Variants in IL17RD observed in about 807,000 individuals in gnomAD.
IL17RD encodes the protein interleukin-17 receptor D.
A neutral mutation model predicts 80.5 loss-of-function variants in IL17RD; 52 were observed. That is an observed-to-expected ratio of 0.65 (90% confidence interval 0.52 to 0.81). The LOEUF (loss-of-function observed/expected upper bound fraction) is 0.81, where lower values mean the gene tolerates loss of function less well. Among genes scored for constraint, IL17RD ranks in the 40% least tolerant of loss-of-function variants. The pLI, the probability that IL17RD is intolerant of heterozygous loss-of-function variation, is 0.00. For synonymous variants in IL17RD, 416 were observed against 391.8 expected (o/e 1.06, Z -0.73); for missense variants, 1,024 against 955.1 (o/e 1.07, Z -0.95).
intron 5 of IL17RD, among the ~76,000 whole-genome samples, chr3:57,108,917 C>T (rs1025548205): frequency 2.0e-5 from 3 of 152,052 alleles, no homozygotes; most frequent in East Asian, 1.9e-4. Flanking sequence ...CCCAAATAGC[C>T]GAGAGCATAG....
chr3:57,138,246 A>G (rs1262015922), intron 1 of IL17RD, among the ~76,000 whole-genome samples: 2 of 152,240 alleles, frequency 1.3e-5, no homozygotes, highest in African/African-American at 4.8e-5. Context: ...AATGGTTAAA[A>G]TGGTAAATTT....
chr3:57,115,515 ACTGC>A (rs927959945), intron 2 of IL17RD, among the ~76,000 whole-genome samples: 3 of 152,222 alleles, frequency 2.0e-5, no homozygotes, highest in African/African-American at 7.2e-5. Flanking sequence ...GAGTTTACTC[ACTGC>A]CACCTGTCAA....
chr3:57,122,925 T>G (rs1707372333), intron 1 of IL17RD, among the ~76,000 whole-genome samples: 1 of 149,456 alleles, frequency 6.7e-6, no homozygotes, highest in Admixed American at 6.6e-5. Flanking sequence ...AGATGTAGCT[T>G]TTTTTTTTGT....
chr3:57,152,499 C>A (rs2060233949), intron 1 of IL17RD, among the ~76,000 whole-genome samples: 1 of 152,226 alleles, frequency 6.6e-6, no homozygotes, highest in Admixed American at 6.5e-5. Context: ...ACGCCCGGCA[C>A]ACAGGCCTGC....
intron 1 of IL17RD, among the ~76,000 whole-genome samples, chr3:57,143,219 C>T (rs757245428): frequency 4.6e-5 from 7 of 152,198 alleles, no homozygotes; most frequent in Non-Finnish European, 8.8e-5. Flanking sequence ...CCGCTGTCAG[C>T]CACTGCTTCC....
Position 57,102,503 on chromosome 3 carries a change from C to T in IL17RD, c.955G>A (p.Val319Met). Residue 319 changes from valine (V) to methionine (M), a missense_variant, in exon 10 of 13, where the codon GTG becomes ATG. Physicochemically the swap from Val to Met is conservative, Grantham distance 21 (BLOSUM62 1). Transcript: ENST00000296318. ...CCTTGTTGCTTCTTGCGGCACATCA[C>T]AGTGAAGAGCGTCGCGAATGCCGAT... ...VISAFATLFT[V>M]MCRKKQQENI... 3.2e-6 allele frequency: 5 copies of T among 1,574,466 alleles called. No homozygotes were observed. The highest frequency in any genetic ancestry group is 4.3e-6 in the Non-Finnish European group (5 of 1,150,370).
chr3:57,134,721 T>C (rs1329176082), intron 1 of IL17RD: 5 of 659,464 alleles, frequency 7.6e-6, no homozygotes, highest in African/African-American at 3.6e-5. Context: ...GACCGAGAAG[T>C]GAAAGCTCCC....
rs1012700213 is a variant in IL17RD at position 57,096,366 on chromosome 3, T to A, written c.*27A>T. On this transcript the variant is annotated 3_prime_UTR_variant, in exon 13 of 13. Coordinates refer to ENST00000296318, the MANE Select transcript of IL17RD (RefSeq NM_017563.5). ...AATCAGAGGGAGGCAGCAGCTAAAG[T>A]GGCAATGCTTAGACTCTTTCGTTTT... The A allele has an allele frequency of 8.8e-6, 13 of 1,474,476 alleles. No individual in the cohort carries two copies. Among genetic ancestry groups the A allele is most frequent in the Non-Finnish European group, 1.1e-5 (12 of 1,052,622 alleles). The allele number at this position is 1,474,476 out of a possible 1,614,324, so 91.3% of individuals were successfully genotyped here.
At chr3:57,145,219 T>C (rs1032625026) in intron 1 of IL17RD, among the ~76,000 whole-genome samples, 1 of 152,162 alleles carries the variant, frequency 6.6e-6, no homozygotes, top group African/African-American at 2.4e-5. Flanking sequence ...GCAGTCCCCT[T>C]GTTTATGGAT....
intron 2 of IL17RD, among the ~76,000 whole-genome samples, chr3:57,115,845 T>G (rs1707204073): frequency 6.6e-6 from 1 of 152,208 alleles, no homozygotes; most frequent in Admixed American, 6.5e-5. Flanking sequence ...GAAGCCAGGG[T>G]GTTTTTATTT....
At chr3:57,113,233 T>TTTTA (rs1350123906) in intron 3 of IL17RD, among the ~76,000 whole-genome samples, 22 of 152,168 alleles carry the variant, frequency 1.4e-4, no homozygotes, top group Non-Finnish European at 2.9e-4. Context: ...TTCTTTTGTT[T>TTTTA]TTTATTTATT....
In IL17RD at chr3:57,091,396, G is replaced by A. The variant is rs17289035; in HGVS notation, c.*4997C>T. The stretch of plus-strand genomic sequence containing the variant: ...GAATATAGGTGACATATCATTTTGT[G>A]AAAGTGCCATTATATTTTTAAGTGG... On this transcript the variant is annotated 3_prime_UTR_variant, in exon 13 of 13. Transcript: ENST00000296318. The A allele has an allele frequency of 0.22, 33,498 of 152,480 alleles. 4,038 individuals are homozygous for A. The highest frequency in any genetic ancestry group is 0.37 in the East Asian group (1,927 of 5,162). 9.4% of individuals were successfully genotyped at this position (152,480 alleles called of 1,614,324 possible).
At chr3:57,152,806 G>C (rs1344084445) in intron 1 of IL17RD, among the ~76,000 whole-genome samples, 9 of 152,136 alleles carry the variant, frequency 5.9e-5, no homozygotes, top group African/African-American at 2.2e-4. Context: ...AGAACTAAAA[G>C]GCTAGAAACT....
chr3:57,105,552 A>AAAAAAAAAAAAAAAAAATATATATAT, intron 7 of IL17RD, among the ~76,000 whole-genome samples: 3 of 63,590 alleles, frequency 4.7e-5, no homozygotes, highest in Admixed American at 1.9e-4. Context: ...AAAAAAAAAA[A>AAAAAAAAAAAAAAAAAATATATATAT]ATATATATAT....
upstream of IL17RD, among the ~76,000 whole-genome samples, chr3:57,169,028 CT>C (rs2060359239): frequency 6.6e-6 from 1 of 152,246 alleles, no homozygotes; most frequent in South Asian, 2.1e-4. Flanking sequence ...TCCATCTCCT[CT>C]TTTTATCCCA....
intron 2 of IL17RD, among the ~76,000 whole-genome samples, chr3:57,119,754 T>A (rs984716453): frequency 6.6e-6 from 1 of 152,106 alleles, no homozygotes; most frequent in African/African-American, 2.4e-5. Flanking sequence ...ACTGCCATTA[T>A]TAAAAAATGT....
At chr3:57,166,901 T>C (rs988187520), upstream of IL17RD, among the ~76,000 whole-genome samples, 7 of 152,220 alleles carry the variant, frequency 4.6e-5, no homozygotes, top group Non-Finnish European at 7.3e-5. Context: ...TAACACAGGA[T>C]TCCTGCACTT....
chr3:57,138,437 C>T (rs1055620782), intron 1 of IL17RD, among the ~76,000 whole-genome samples: 2 of 152,058 alleles, frequency 1.3e-5, no homozygotes, highest in Admixed American at 6.6e-5. Flanking sequence ...ACCAGATAGC[C>T]AGCAACTGCA....
chr3:57,100,762 T>C (rs560613860), intron 11 of IL17RD, among the ~76,000 whole-genome samples: 2 of 152,296 alleles, frequency 1.3e-5, no homozygotes, highest in East Asian at 1.9e-4. Flanking sequence ...CTCCAAACAA[T>C]TGTGCGAACT....
Sources: allele counts gnomAD v4.1 joint callset (sites outside exome capture counted in the v4.1 genomes callset), GRCh38; gene constraint gnomAD v4.1.1; transcripts MANE v1.5; gene names NCBI Gene and HGNC (gene_info 2026-07-23, HGNC 2026-07-21).